The following PCDH15 variants were observed in gnomAD, a reference collection of about 807,000 sequenced individuals.
PCDH15 encodes the protein protocadherin-15.
A neutral mutation model predicts 178.5 loss-of-function variants in PCDH15; 129 were observed. The observed-to-expected ratio is 0.72, with a 90% CI of 0.63 to 0.84. The LOEUF (loss-of-function observed/expected upper bound fraction) is 0.84, where lower values mean the gene tolerates loss of function less well. Ranked by LOEUF, PCDH15 falls within the 40% of genes least tolerant of loss-of-function variation. The pLI, the probability that PCDH15 is intolerant of heterozygous loss-of-function variation, is 0.00. For missense variants in PCDH15, 2,230 were observed against 2,099.9 expected (o/e 1.06, Z -1.21); for synonymous variants, 800 against 732.0 (o/e 1.09, Z -1.50).
intron 2 of PCDH15, among the ~76,000 whole-genome samples, chr10:55,582,639 T>TTTTTGCTATATTTGA (rs1842646658): frequency 7.0e-6 from 1 of 141,976 alleles, no homozygotes; most frequent in Non-Finnish European, 1.5e-5. Context: ...TTTTTTTTTT[T>TTTTTGCTATATTTGA]TTGCTATATT....
intron 2 of PCDH15, among the ~76,000 whole-genome samples, chr10:55,154,041 C>T (rs572644496): frequency 2.0e-5 from 3 of 152,002 alleles, no homozygotes; most frequent in South Asian, 2.1e-4. Flanking sequence ...ACCATGTACA[C>T]GTTCATTAAA....
At chr10:54,771,581 G>A (rs552800262) in intron 1 of PCDH15, among the ~76,000 whole-genome samples, 92 of 152,000 alleles carry the variant, frequency 6.1e-4, no homozygotes, top group African/African-American at 2.2e-3. Flanking sequence ...TGGTTCAGAC[G>A]TCATGAAAAA....
intron 2 of PCDH15, among the ~76,000 whole-genome samples, chr10:54,587,508 C>T (rs183618091): frequency 2.7e-5 from 4 of 148,146 alleles, no homozygotes; most frequent in African/African-American, 5.0e-5. Flanking sequence ...GGCTAAGTGA[C>T]GCCAGCAAAA....
At chr10:55,295,451 A>G (rs1843108783) in intron 1 of PCDH15, among the ~76,000 whole-genome samples, 1 of 152,220 alleles carries the variant, frequency 6.6e-6, no homozygotes, top group East Asian at 1.9e-4. Context: ...GTGATTAATA[A>G]GAATTATTTA....
chr10:54,524,875 G>A (rs1339791314), intron 3 of PCDH15, among the ~76,000 whole-genome samples: 1 of 152,174 alleles, frequency 6.6e-6, no homozygotes, highest in East Asian at 1.9e-4. Context: ...AGCCCAAGAT[G>A]ATGTAATGAA....
At chr10:54,072,803 A>C (rs1285279907) in intron 17 of PCDH15, among the ~76,000 whole-genome samples, 2 of 152,158 alleles carry the variant, frequency 1.3e-5, no homozygotes, top group Admixed American at 6.6e-5. Context: ...TGGCAGAGAG[A>C]GGTGTCAAGA....
chr10:54,854,142 C>T (rs538785872), intron 3 of PCDH15, among the ~76,000 whole-genome samples: 2 of 152,288 alleles, frequency 1.3e-5, no homozygotes, highest in South Asian at 2.1e-4. Context: ...AACATAGGCA[C>T]TGACTCTCTG....
chr10:53,827,574 A>AAAACTC, intron 31 of PCDH15, 26 bp from the exon 32 acceptor site: 1 of 1,613,948 alleles, frequency 6.2e-7, no homozygotes, highest in African/African-American at 1.3e-5. Flanking sequence ...GATGGCTTGT[A>AAAACTC]AAACTCATTT....
chr10:54,488,132 AC>A (rs2137060272), intron 3 of PCDH15, among the ~76,000 whole-genome samples: 1 of 151,930 alleles, frequency 6.6e-6, no homozygotes, highest in African/African-American at 2.4e-5. Flanking sequence ...AAATTCCTAA[AC>A]TTTTCATACT....
At chr10:54,062,784 T>A (rs956750456) in intron 18 of PCDH15, among the ~76,000 whole-genome samples, 5 of 147,238 alleles carry the variant, frequency 3.4e-5, no homozygotes, top group East Asian at 3.9e-4. Flanking sequence ...AAAAAAAAAA[T>A]AAGAAAAAAA....
chr10:55,150,433 T>G (rs1474948895), intron 2 of PCDH15, among the ~76,000 whole-genome samples: 2 of 152,146 alleles, frequency 1.3e-5, no homozygotes, highest in Non-Finnish European at 2.9e-5. Context: ...CTTGGTTATT[T>G]AAAGTCCAAA....
chr10:55,532,506 GT>G lies in PCDH15; in HGVS notation c.-156+95118del, dbSNP rs201822070. 4.0e-3 allele frequency among the ~76,000 whole-genome samples: 611 copies of G among 152,092 alleles called. 6 individuals are homozygous for G. Among genetic ancestry groups the G allele is most frequent in the East Asian group, 3.3e-3 (17 of 5,160 alleles). ...ATTCAAAAGTGAATAAAACAAAATAGTTTTGCTCTTGTTGAACTTAGAAACT... is the reference window on the plus strand; with the variant it reads ...ATTCAAAAGTGAATAAAACAAAATAGTTTGCTCTTGTTGAACTTAGAAACT... On this transcript the variant is annotated intron_variant, in intron 2 of 5. Coordinates refer to the PCDH15 transcript ENST00000613346.
intron 2 of PCDH15, among the ~76,000 whole-genome samples, chr10:54,978,860 A>G (rs1351497256): frequency 6.6e-6 from 1 of 152,128 alleles, no homozygotes; most frequent in African/African-American, 2.4e-5. Context: ...CCACATCTAC[A>G]TGAGGTATAC....
chr10:54,994,313 G>A (rs2131920997), intron 2 of PCDH15, among the ~76,000 whole-genome samples: 2 of 152,246 alleles, frequency 1.3e-5, no homozygotes, highest in South Asian at 4.1e-4. Flanking sequence ...AAAAGCAAGT[G>A]CAGGTGTTTA....
chr10:55,493,132 G>A (rs180674843), intron 2 of PCDH15, among the ~76,000 whole-genome samples: 190 of 151,490 alleles, frequency 1.3e-3, no homozygotes, highest in African/African-American at 1.5e-3. Flanking sequence ...AAAAATATTC[G>A]AAGAAATAAA....
intron 3 of PCDH15, among the ~76,000 whole-genome samples, chr10:54,525,653 C>G (rs2083294634): frequency 6.6e-6 from 1 of 152,116 alleles, no homozygotes; most frequent in Non-Finnish European, 1.5e-5. Flanking sequence ...GAAACAGGGT[C>G]TTGCCATGTT....
At chr10:54,516,461 T>C (rs906337525) in intron 3 of PCDH15, among the ~76,000 whole-genome samples, 3 of 151,670 alleles carry the variant, frequency 2.0e-5, no homozygotes, top group African/African-American at 7.3e-5. Context: ...AGGGTATCAG[T>C]GATGGAAGAT....
intron 2 of PCDH15, among the ~76,000 whole-genome samples, chr10:54,618,714 T>A (rs1212665424): frequency 6.6e-6 from 1 of 152,010 alleles, no homozygotes; most frequent in Non-Finnish European, 1.5e-5. Flanking sequence ...CAATAATGAG[T>A]TTGCTACATG....
At chr10:54,811,196 A>C (rs984856183) in intron 3 of PCDH15, among the ~76,000 whole-genome samples, 21 of 152,080 alleles carry the variant, frequency 1.4e-4, no homozygotes, top group African/African-American at 4.6e-4. Flanking sequence ...AACATAAACA[A>C]ATGTGAACAT....
Sources: gnomAD v4.1 joint callset for allele counts (sites outside exome capture counted in the v4.1 genomes callset) on GRCh38, gnomAD v4.1.1 for gene constraint, MANE v1.5 for transcripts, NCBI Gene and HGNC (gene_info 2026-07-23, HGNC 2026-07-21) for gene names.